ADAMTS12: variants seen among roughly 807,000 people sequenced by gnomAD.
ADAMTS12 encodes the protein ADAM metallopeptidase with thrombospondin type 1 motif 12.
ADAMTS12 carries 118 observed loss-of-function variants against 167.8 expected under a neutral mutation model. That is an observed-to-expected ratio of 0.70 (90% CI 0.61 to 0.82). The LOEUF (loss-of-function observed/expected upper bound fraction) is 0.82, where lower values mean the gene tolerates loss of function less well. Among genes scored for constraint, ADAMTS12 ranks in the 40% least tolerant of loss-of-function variants. The pLI is 0.00. For missense variants in ADAMTS12, 1,916 were observed against 1,998.8 expected (o/e 0.96, Z 0.79); for synonymous variants, 704 against 716.9 (o/e 0.98, Z 0.29).
At chr5:33,621,849 A>G (rs970166290) in intron 14 of ADAMTS12, among the ~76,000 whole-genome samples, 1 of 152,226 alleles carries the variant, frequency 6.6e-6, no homozygotes, top group Non-Finnish European at 1.5e-5. Context: ...CAGAGTGAGG[A>G]AGAAATATAT....
intron 12 of ADAMTS12, among the ~76,000 whole-genome samples, chr5:33,631,270 G>T (rs1297223695): frequency 6.6e-6 from 1 of 152,072 alleles, no homozygotes; most frequent in Non-Finnish European, 1.5e-5. Context: ...ATAAGTTATT[G>T]CAACCAGCCA....
At position 33,790,982 on chromosome 5, in the gene ADAMTS12, T is replaced by C. The variant is rs375990752; in HGVS notation, c.490-39434A>G. On this transcript the variant is annotated intron_variant, in intron 2 of 23. Transcript: ENST00000504830. The stretch of plus-strand genomic sequence containing the variant: ...TGTTAACATTGGTCAGAGGGTTGCA[T>C]GGTGATTCCCAGTCCCTCCACTACA... Among the ~76,000 whole-genome samples the C allele has an allele frequency of 3.3e-5, 5 of 152,024 alleles. No homozygotes were observed. In the East Asian group the frequency reaches 9.7e-4, roughly 29 times the overall value.
rs141082654 is a variant in ADAMTS12, at chr5:33,564,762, A to G, written c.3973-3583T>C. 6.5e-3 allele frequency among the ~76,000 whole-genome samples: 990 copies of G among 152,304 alleles called. 10 individuals carry two copies. Among genetic ancestry groups the G allele is most frequent in the African/African-American group, 0.023 (955 of 41,564 alleles). On this transcript the variant is annotated intron_variant, in intron 19 of 23. Transcript: ENST00000504830. ...CTTTTATCATTCATGCCTCTCAGACATTCAATGCTAGTTGCCGCCCCTTCC... is the reference window on the plus strand; with the variant it reads ...CTTTTATCATTCATGCCTCTCAGACGTTCAATGCTAGTTGCCGCCCCTTCC...
At chr5:33,847,512 A>G (rs1020858611) in intron 2 of ADAMTS12, among the ~76,000 whole-genome samples, 1 of 152,012 alleles carries the variant, frequency 6.6e-6, no homozygotes, top group Non-Finnish European at 1.5e-5. Context: ...AATCCCAGCT[A>G]CTCGGGAGGC....
chr5:33,631,920 T>G (rs1466714890), intron 12 of ADAMTS12, among the ~76,000 whole-genome samples: 1 of 152,162 alleles, frequency 6.6e-6, no homozygotes, highest in Non-Finnish European at 1.5e-5. Flanking sequence ...CTATTCGTCA[T>G]GGGCCCTTCT....
rs539843600 is a variant in ADAMTS12, at chr5:33,715,794, A to G, written c.635-31739T>C. 9.5e-4 allele frequency among the ~76,000 whole-genome samples: 144 copies of G among 152,274 alleles called. 1 individual carries two copies. Among genetic ancestry groups the G allele is most frequent in the African/African-American group, 3.4e-3 (143 of 41,564 alleles). On this transcript the variant is annotated intron_variant, in intron 3 of 23. Transcript: ENST00000504830. ...ATAATCACACAAGGAACTATTTTTA[A>G]AAATTAACCAAAACATGGGAGTAGG...
intron 3 of ADAMTS12, among the ~76,000 whole-genome samples, chr5:33,705,266 G>GGTGTGTGT (rs70964413): frequency 1.2e-3 from 175 of 144,018 alleles, no homozygotes; most frequent in African/African-American, 2.4e-3. Context: ...AGTATTCCAT[G>GGTGTGTGT]GTGTGTGTGT....
intron 6 of ADAMTS12, among the ~76,000 whole-genome samples, chr5:33,658,650 A>T (rs1159446037): frequency 6.6e-6 from 1 of 152,196 alleles, no homozygotes; most frequent in Non-Finnish European, 1.5e-5. Context: ...TGAAAACTCA[A>T]GTTAATTTGA....
intron 2 of ADAMTS12, among the ~76,000 whole-genome samples, chr5:33,806,980 T>C (rs1747260748): frequency 6.6e-6 from 1 of 152,152 alleles, no homozygotes; most frequent in African/African-American, 2.4e-5. Context: ...ACTGCAGACC[T>C]ACTCGTGTCA....
At chr5:33,676,395 C>A (rs1054008023) in intron 5 of ADAMTS12, among the ~76,000 whole-genome samples, 5 of 152,112 alleles carry the variant, frequency 3.3e-5, no homozygotes, top group East Asian at 3.9e-4. Flanking sequence ...AGAGAAGAGA[C>A]AAGCTGTAAA....
At chr5:33,730,705 T>C (rs548823771) in intron 3 of ADAMTS12, among the ~76,000 whole-genome samples, 6 of 152,224 alleles carry the variant, frequency 3.9e-5, no homozygotes, top group Non-Finnish European at 7.3e-5. Flanking sequence ...GATTGCTTCA[T>C]TGGAACCCTC....
intron 7 of ADAMTS12, among the ~76,000 whole-genome samples, chr5:33,650,912 T>C (rs941124474): frequency 6.6e-6 from 1 of 152,226 alleles, no homozygotes; most frequent in African/African-American, 2.4e-5. Context: ...ACTGGGAAGC[T>C]CATATCCAAC....
At chr5:33,823,780 C>A (rs1747951785) in intron 2 of ADAMTS12, among the ~76,000 whole-genome samples, 1 of 151,822 alleles carries the variant, frequency 6.6e-6, no homozygotes, top group African/African-American at 2.4e-5. Flanking sequence ...CTTCGTTAAT[C>A]CGTTTCAGAA....
chr5:33,838,017 T>C (rs1748600478), intron 2 of ADAMTS12, among the ~76,000 whole-genome samples: 1 of 152,286 alleles, frequency 6.6e-6, no homozygotes, highest in Admixed American at 6.5e-5. Flanking sequence ...CATATTTTTT[T>C]TTAGTGAGAA....
chr5:33,842,551 CAG>C (rs1177832940), intron 2 of ADAMTS12, among the ~76,000 whole-genome samples: 2 of 152,226 alleles, frequency 1.3e-5, no homozygotes, highest in African/African-American at 4.8e-5. Context: ...AACTTTTAAA[CAG>C]AGCTTTTCAT....
chr5:33,527,215 C>A lies in ADAMTS12; in HGVS notation c.4758G>T (p.Arg1586=). The change falls in exon 24 of 24, where the codon CGG becomes CGT. Residue 1586 remains arginine (R), a synonymous_variant. Transcript: ENST00000504830. ...AGAGTTCTTTTGACTTTTGGAGCAA[C>A]CGTTGCCTTCTTTGCCTTTGGGTGT... The part of the protein sequence containing the change: ...ITHTQRQRRQ[R]LLQKSKEL 1 of 1,614,122 alleles carries A rather than the reference C, an allele frequency of 6.2e-7. No homozygotes were observed. The highest frequency in any genetic ancestry group is 8.5e-7 in the Non-Finnish European group (1 of 1,180,018).
intron 2 of ADAMTS12, 70 bp downstream of exon 2, chr5:33,881,049 G>A (rs1750416469): frequency 1.3e-6 from 2 of 1,557,822 alleles, no homozygotes; most frequent in African/African-American, 2.7e-5. Context: ...TGAACCTGTT[G>A]GTAGTAGGTC....
intron 2 of ADAMTS12, among the ~76,000 whole-genome samples, chr5:33,795,901 A>C (rs965989875): frequency 6.6e-6 from 1 of 152,142 alleles, no homozygotes; most frequent in East Asian, 1.9e-4. Context: ...GGAGAGCCCC[A>C]CTCTGAAGAG....
chr5:33,577,245 T>C, intron 18 of ADAMTS12, 85 bp from the exon 19 acceptor site: 1 of 1,578,556 alleles, frequency 6.3e-7, no homozygotes, highest in Non-Finnish European at 8.6e-7. Flanking sequence ...AAAACAGGCC[T>C]GATGGAAACT....
Sources: gnomAD v4.1 joint callset for allele counts (sites outside exome capture counted in the v4.1 genomes callset) on GRCh38, gnomAD v4.1.1 for gene constraint, MANE v1.5 for transcripts, NCBI Gene and HGNC (gene_info 2026-07-23, HGNC 2026-07-21) for gene names.